TPRG1: variants seen among roughly 807,000 people sequenced by gnomAD.
TPRG1 encodes the protein tumor protein p63 regulated 1, also known as tumor protein p63-regulated gene 1 protein.
Under a neutral mutation model 29.3 loss-of-function variants are expected in TPRG1, and 29 were observed. The observed-to-expected ratio is 0.99, with a 90% CI of 0.74 to 1.35. The LOEUF is 1.35. Ranked by LOEUF, TPRG1 falls within the 40% of genes most tolerant of loss-of-function variation. The pLI is 0.00. For synonymous variants in TPRG1, 130 were observed against 116.8 expected, an observed-to-expected ratio of 1.11 and a Z score of -0.73; for missense variants, 327 against 335.0, an observed-to-expected ratio of 0.98 and a Z score of 0.19.
At chr3:189,007,626 A>G (rs1043475783) in intron 3 of TPRG1, among the ~76,000 whole-genome samples, 14 of 150,574 alleles carry the variant, frequency 9.3e-5, no homozygotes, top group Admixed American at 9.3e-4. Context: ...TATTCACAAT[A>G]GCAAAGACTT....
chr3:189,063,176 A>G (rs1027299583), intron 4 of TPRG1, among the ~76,000 whole-genome samples: 4 of 152,118 alleles, frequency 2.6e-5, no homozygotes, highest in African/African-American at 9.7e-5. Context: ...CACATTACAT[A>G]ATAATAAAAG....
rs549712261 is a variant in TPRG1, at chr3:189,036,251, G to A, written c.-463+12305G>A. On this transcript the variant is annotated intron_variant, in intron 4 of 10. Transcript: ENST00000433971. ...ACAAAGATGGGAACAATAAACATGG[G>A]GACCACTAGAGAGGGGAGGGTAGAA... Among the ~76,000 whole-genome samples the A allele has an allele frequency of 4.8e-4, 73 of 152,110 alleles. 3 individuals are homozygous for A. The South Asian group carries it at 0.015, about 30-fold the overall frequency.
rs186384153 is a variant in TPRG1, at chr3:189,270,530, G to A, written c.479+31621G>A. ...CTGAATGTGGAGCCCAGGTCCCCAC[G>A]CCAGTGAGGCATGCAGCTGGAATGG... On this transcript the variant is annotated intron_variant, in intron 4 of 5. Coordinates refer to ENST00000345063, the MANE Select transcript of TPRG1 (RefSeq NM_198485.4). 6.2e-4 allele frequency among the ~76,000 whole-genome samples: 95 copies of A among 152,320 alleles called. No homozygotes were observed. The East Asian group carries it at 0.013, about 21-fold the overall frequency.
At chr3:189,112,032 CT>C (rs1457534110) in intron 1 of TPRG1, among the ~76,000 whole-genome samples, 1 of 151,954 alleles carries the variant, frequency 6.6e-6, no homozygotes, top group Non-Finnish European at 1.5e-5. Flanking sequence ...ATGTCAAAGG[CT>C]TTCTTTGTGT....
Position 189,287,649 on chromosome 3 carries a change from A to G in TPRG1, c.480-22737A>G, listed in dbSNP as rs565589591. Among the ~76,000 whole-genome samples, 669 of 152,044 alleles carry G rather than the reference A, an allele frequency of 4.4e-3. 4 individuals carry two copies. The highest frequency in any genetic ancestry group is 0.014 in the Middle Eastern group (4 of 294). ...CCTGACCTCGTGATCTGCCCGCCTCAGCCTCCCAAAGTGCTGGGATTACAG... is the reference window on the plus strand; with the variant it reads ...CCTGACCTCGTGATCTGCCCGCCTCGGCCTCCCAAAGTGCTGGGATTACAG... On this transcript the variant is annotated intron_variant, in intron 4 of 5. Transcript: ENST00000345063.
At chr3:189,228,342 C>A (rs1738106920) in intron 3 of TPRG1, among the ~76,000 whole-genome samples, 2 of 151,058 alleles carry the variant, frequency 1.3e-5, no homozygotes, top group South Asian at 4.2e-4. Flanking sequence ...GATCAGTATT[C>A]CTCATAACTG....
intron 1 of TPRG1, among the ~76,000 whole-genome samples, chr3:189,202,068 A>G (rs1560544675): frequency 6.6e-6 from 1 of 152,144 alleles, no homozygotes; most frequent in South Asian, 2.1e-4. Flanking sequence ...TTTCAAGCTG[A>G]TTAGAAGTTT....
At chr3:189,304,899 C>T (rs1721394472) in intron 4 of TPRG1, among the ~76,000 whole-genome samples, 2 of 152,234 alleles carry the variant, frequency 1.3e-5, no homozygotes, top group Non-Finnish European at 1.5e-5. Flanking sequence ...CCACTCACAG[C>T]CTCCCTCTGT....
intron 4 of TPRG1, among the ~76,000 whole-genome samples, chr3:189,251,929 C>A (rs559577508): frequency 6.6e-6 from 1 of 151,636 alleles, no homozygotes; most frequent in Non-Finnish European, 1.5e-5. Context: ...TATGGGTGTC[C>A]GGCTGGGGGA....
chr3:189,120,557 A>T (rs892295369), intron 1 of TPRG1, among the ~76,000 whole-genome samples: 4 of 152,198 alleles, frequency 2.6e-5, no homozygotes, highest in African/African-American at 9.7e-5. Flanking sequence ...TGCTTATAAT[A>T]ATGTGTGTTA....
At chr3:189,132,687 C>A (rs901536222) in exon 3 of TPRG1, 1 of 152,126 alleles carries the variant, frequency 6.6e-6, no homozygotes, top group Non-Finnish European at 1.5e-5. Context: ...AACTGTCAGG[C>A]GGGAAAACAG....
At chr3:189,166,767 TAGG>T (rs889950918) in intron 5 of TPRG1, among the ~76,000 whole-genome samples, 1 of 152,202 alleles carries the variant, frequency 6.6e-6, no homozygotes, top group Non-Finnish European at 1.5e-5. Context: ...CTCAAGCTGT[TAGG>T]AGAAGAACTT....
intron 1 of TPRG1, among the ~76,000 whole-genome samples, chr3:189,122,952 T>C (rs1722008319): frequency 6.6e-6 from 1 of 152,250 alleles, no homozygotes. Context: ...GGCACTATTC[T>C]AGTTTTGTTC....
intron 2 of TPRG1, among the ~76,000 whole-genome samples, chr3:189,131,337 A>G (rs969622941): frequency 8.5e-5 from 13 of 152,140 alleles, no homozygotes; most frequent in African/African-American, 3.1e-4. Context: ...ATAAATATTC[A>G]TGTGTGTATA....
At chr3:189,315,598 C>A (rs1240984146) in intron 5 of TPRG1, 3 of 410,770 alleles carry the variant, frequency 7.3e-6, no homozygotes, top group Non-Finnish European at 1.5e-5. Flanking sequence ...ACAGACCAAC[C>A]ATTTGTACTC....
At chr3:189,168,039 C>A (rs892961133), upstream of TPRG1, among the ~76,000 whole-genome samples, 2 of 152,064 alleles carry the variant, frequency 1.3e-5, no homozygotes, top group Non-Finnish European at 2.9e-5. Flanking sequence ...TGTTCTCTTT[C>A]ATTGCGGATA....
intron 3 of TPRG1, among the ~76,000 whole-genome samples, chr3:189,146,760 A>C (rs1168672359): frequency 6.6e-6 from 1 of 152,242 alleles, no homozygotes; most frequent in Admixed American, 6.5e-5. Flanking sequence ...AATTAAATGA[A>C]AGCAATATGC....
chr3:189,150,228 C>A (rs1387892807), intron 4 of TPRG1, among the ~76,000 whole-genome samples: 1 of 152,150 alleles, frequency 6.6e-6, no homozygotes, highest in Admixed American at 6.5e-5. Flanking sequence ...TGTCGCCCAA[C>A]CTGGAGTGCA....
rs557618378 is a variant in TPRG1, at chr3:189,057,024, C to G, written c.-463+33078C>G. 5.9e-5 allele frequency among the ~76,000 whole-genome samples: 9 copies of G among 152,322 alleles called. No individual in the cohort carries two copies. In the South Asian group the frequency reaches 1.9e-3, roughly 32 times the overall value. On this transcript the variant is annotated intron_variant, in intron 4 of 10. Transcript: ENST00000433971. Reference sequence around the variant, plus strand: ...TTCTGAAGTGTAAAAATTAATCACTCTTGCTTCCCCTTGAAGCATTGCTAA... The same window carrying G: ...TTCTGAAGTGTAAAAATTAATCACTGTTGCTTCCCCTTGAAGCATTGCTAA...
Sources: allele counts gnomAD v4.1 joint callset (sites outside exome capture counted in the v4.1 genomes callset), GRCh38; gene constraint gnomAD v4.1.1; transcripts MANE v1.5; gene names NCBI Gene and HGNC (gene_info 2026-07-23, HGNC 2026-07-21).